The following VMA21 variants were observed in gnomAD, a reference collection of about 807,000 sequenced individuals.
VMA21 encodes the protein vacuolar ATPase assembly integral membrane protein VMA21.
For synonymous variants in VMA21, 47 were observed against 34.1 expected, an observed-to-expected ratio of 1.38 and a Z score of -1.32; for missense variants, 61 against 80.6, an observed-to-expected ratio of 0.76 and a Z score of 0.93.
At chrX:151,404,834 A>T in intron 2 of VMA21, 82 bp from the exon 3 acceptor site, 1 of 1,114,795 alleles carries the variant, frequency 9.0e-7, no homozygotes. Flanking sequence ...ATACATCATA[A>T]AAATTAGGAT....
upstream of VMA21, chrX:151,397,018 G>T: frequency 3.9e-6 from 2 of 508,245 alleles, no homozygotes; most frequent in Admixed American, 2.7e-5. Context: ...CTCGAGCACA[G>T]GCCCCTCCTG....
intron 1 of VMA21, among the ~76,000 whole-genome samples, chrX:151,402,067 A>G (rs2011241159): frequency 9.0e-6 from 1 of 111,193 alleles, no homozygotes; most frequent in African/African-American, 3.3e-5. Flanking sequence ...TAATGCTATT[A>G]TAAATGAGAT....
At chrX:151,403,827 ATTC>A (rs2011258505) in intron 2 of VMA21, 87 bp downstream of exon 2, 1 of 670,362 alleles carries the variant, frequency 1.5e-6, no homozygotes, top group African/African-American at 2.1e-5. Context: ...TAAACTGGGT[ATTC>A]TTATTTTTTT....
chrX:151,401,893 C>T (rs1208118817), intron 1 of VMA21, among the ~76,000 whole-genome samples: 2 of 110,613 alleles, frequency 1.8e-5, no homozygotes, highest in Admixed American at 1.9e-4. Context: ...ATTACAGGCA[C>T]GTGCCACCAT....
chrX:151,403,591 T>G, intron 1 of VMA21, 40 bp from the exon 2 acceptor site: 1 of 995,532 alleles, frequency 1.0e-6, no homozygotes, highest in East Asian at 3.1e-5. Context: ...TGGATATGAC[T>G]GTGCAGGTTC....
Position 151,408,324 on chromosome X carries a change from A to C in VMA21, c.*3266A>C, listed in dbSNP as rs972674004. On this transcript the variant is annotated 3_prime_UTR_variant, in exon 3 of 3. Coordinates refer to ENST00000330374, the MANE Select transcript of VMA21 (RefSeq NM_001017980.4). ...TACAGTTAGAATACCCAAGGAGACCACTAAAATCAGTTAAACAAGTAGGGT... is the reference window on the plus strand; with the variant it reads ...TACAGTTAGAATACCCAAGGAGACCCCTAAAATCAGTTAAACAAGTAGGGT... 8.9e-6 allele frequency: 1 copy of C among 112,341 alleles called. No individual in the cohort carries two copies. Among genetic ancestry groups the C allele is most frequent in the African/African-American group, 3.2e-5 (1 of 30,902 alleles). The allele number at this position is 112,341 out of a possible 1,213,427, so 9.3% of individuals were successfully genotyped here.
chrX:151,401,314 CT>C (rs760589560), intron 1 of VMA21, among the ~76,000 whole-genome samples: 9 of 111,654 alleles, frequency 8.1e-5, no homozygotes, highest in Non-Finnish European at 1.3e-4. Context: ...CTTAACACCC[CT>C]GTCGAAGATT....
chrX:151,404,167 A>G (rs1362236952), intron 2 of VMA21, among the ~76,000 whole-genome samples: 2 of 105,116 alleles, frequency 1.9e-5, no homozygotes, highest in Non-Finnish European at 3.9e-5. Flanking sequence ...CCCGCCTCCC[A>G]TGTTCAAGCG....
At chrX:151,400,444 A>C (rs1046464693) in intron 1 of VMA21, among the ~76,000 whole-genome samples, 1 of 110,466 alleles carries the variant, frequency 9.1e-6, no homozygotes, top group Non-Finnish European at 1.9e-5. Flanking sequence ...CGGTTTCTTT[A>C]TTTTGTCTGT....
chrX:151,404,327 G>A (rs1350235567), intron 2 of VMA21, among the ~76,000 whole-genome samples: 1 of 112,248 alleles, frequency 8.9e-6, no homozygotes, highest in African/African-American at 3.2e-5. Flanking sequence ...CACCCGCCTC[G>A]GCCTCCCAGA....
At position 151,408,924 on chromosome X, in the gene VMA21, T is replaced by TC. The variant is rs1411965691; in HGVS notation, c.*3867dup. The stretch of plus-strand genomic sequence containing the variant: ...CATATTTGTCAGTTATACAGAGTAG[T>TC]CTTCCTTTTCCCCACGTTCAGTGTA... On this transcript the variant is annotated 3_prime_UTR_variant, in exon 3 of 3. Transcript: ENST00000330374. 2 of 112,906 alleles carry TC rather than the reference T, an allele frequency of 1.8e-5. No homozygotes were observed. The highest frequency in any genetic ancestry group is 6.5e-5 in the African/African-American group (2 of 30,978). 9.3% of individuals were successfully genotyped at this position (112,906 alleles called of 1,213,427 possible).
chrX:151,404,963 G>A lies in VMA21; in HGVS notation c.211G>A (p.Val71Ile), dbSNP rs940574576. Reference sequence around the variant, plus strand: ...GGACAGCTATTTTTACGCTGCTATTGTTGCAGTGGTCGCCGTCCATGTGGT... The same window carrying A: ...GGACAGCTATTTTTACGCTGCTATTATTGCAGTGGTCGCCGTCCATGTGGT... Reference protein sequence around the residue: ...NRDSYFYAAIVAVVAVHVVLA... With the variant: ...NRDSYFYAAIIAVVAVHVVLA... Residue 71 changes from valine to isoleucine, a missense_variant, in exon 3 of 3, where the codon GTT (valine) becomes ATT (isoleucine). Transcript: ENST00000330374. 1 of 1,209,512 alleles carries A rather than the reference G, an allele frequency of 8.3e-7. No individual in the cohort carries two copies. Among genetic ancestry groups the A allele is most frequent in the South Asian group, 1.8e-5 (1 of 56,875 alleles).
chrX:151,404,450 G>A (rs549107234), intron 2 of VMA21, among the ~76,000 whole-genome samples: 1 of 109,249 alleles, frequency 9.2e-6, no homozygotes, highest in Admixed American at 9.7e-5. Context: ...ACGGAGTCTC[G>A]CTCAGTCACC....
At chrX:151,401,706 T>C (rs140247368) in intron 1 of VMA21, among the ~76,000 whole-genome samples, 114 of 112,115 alleles carry the variant, frequency 1.0e-3, no homozygotes, top group African/African-American at 3.5e-3. Flanking sequence ...TTTTATACTT[T>C]TCAGTGTACA....
At chrX:151,398,283 A>G (rs763803313) in intron 1 of VMA21, among the ~76,000 whole-genome samples, 1 of 103,956 alleles carries the variant, frequency 9.6e-6, no homozygotes, top group Admixed American at 1.0e-4. Context: ...CGTACAGGTA[A>G]TTTTGTCACC....
intron 1 of VMA21, among the ~76,000 whole-genome samples, chrX:151,402,322 T>C (rs1372576029): frequency 1.8e-5 from 2 of 111,576 alleles, no homozygotes; most frequent in African/African-American, 6.5e-5. Context: ...GCTGGGACTA[T>C]AGGCACACGC....
At chrX:151,404,326 C>T (rs1330248366) in intron 2 of VMA21, among the ~76,000 whole-genome samples, 4 of 112,324 alleles carry the variant, frequency 3.6e-5, no homozygotes, top group East Asian at 2.8e-4. Flanking sequence ...CCACCCGCCT[C>T]GGCCTCCCAG....
At chrX:151,398,833 A>C (rs941329632) in intron 1 of VMA21, among the ~76,000 whole-genome samples, 1 of 112,162 alleles carries the variant, frequency 8.9e-6, no homozygotes, top group Non-Finnish European at 1.9e-5. Context: ...TGGTGTTATA[A>C]ATGGAGGCAG....
chrX:151,397,085 G>C (rs1043566850), upstream of VMA21: 20 of 434,629 alleles, frequency 4.6e-5, no homozygotes, highest in Non-Finnish European at 7.2e-5. Context: ...CCGCCCCCGC[G>C]CCGGCAACAG....
Sources: gnomAD v4.1 joint callset for allele counts (sites outside exome capture counted in the v4.1 genomes callset) on GRCh38, gnomAD v4.1.1 for gene constraint, MANE v1.5 for transcripts, NCBI Gene and HGNC (gene_info 2026-07-23, HGNC 2026-07-21) for gene names.